MRPL12: variants seen among roughly 807,000 people sequenced by gnomAD.
MRPL12 encodes mitochondrial ribosomal protein L12, also known as large ribosomal subunit protein bL12m.
In MRPL12, 13 loss-of-function variants were observed where a neutral mutation model predicts 21.1. The observed-to-expected ratio is 0.62, with a 90% CI of 0.40 to 0.98. The LOEUF (loss-of-function observed/expected upper bound fraction) is 0.98. Among genes scored for constraint, MRPL12 ranks in the 50% least tolerant of loss-of-function variants. The probability of loss-of-function intolerance (pLI) is 0.00; values close to 1 mark genes in which losing one functional copy is unlikely to be tolerated. For missense variants in MRPL12, 251 were observed against 268.6 expected (o/e 0.93, Z 0.46); for synonymous variants, 126 against 115.3 (o/e 1.09, Z -0.60).
chr17:81,706,785 C>A, intron 3 of MRPL12, 121 bp from the exon 4 acceptor site: 1 of 1,223,648 alleles, frequency 8.2e-7, no homozygotes, highest in Non-Finnish European at 1.1e-6. Context: ...CAACTCCAGG[C>A]TTCGCTGGGG....
Position 81,707,340 on chromosome 17 carries a change from G to A in MRPL12, c.*100G>A. ...CCGCCCCCAGCACCAGGCGCCCAGT[G>A]GAGCCGTTTGGGAGAATTGCCTGCG... On this transcript the variant is annotated 3_prime_UTR_variant, in exon 5 of 5. Transcript: ENST00000333676. 8.6e-7 allele frequency: 1 copy of A among 1,161,644 alleles called. No individual in the cohort carries two copies. The highest frequency in any genetic ancestry group is 1.2e-6 in the Non-Finnish European group (1 of 823,528). The allele number at this position is 1,161,644 out of a possible 1,614,324, so 72.0% of individuals were successfully genotyped here. A position where few individuals can be genotyped will look rare whatever the true frequency, so the allele number is the denominator to read the frequency against.
At chr17:81,705,632 G>A (rs1227126424) in intron 3 of MRPL12, among the ~76,000 whole-genome samples, 2 of 152,202 alleles carry the variant, frequency 1.3e-5, no homozygotes, top group Admixed American at 6.5e-5. Flanking sequence ...GAGCAGCAGC[G>A]AGGTACAGGC....
In MRPL12 at chr17:81,707,446, G is replaced by C. The variant is rs1322699712; in HGVS notation, c.*206G>C. The C allele has an allele frequency of 1.8e-6, 1 of 569,568 alleles. No homozygotes were observed. The highest frequency in any genetic ancestry group is 3.1e-6 in the Non-Finnish European group (1 of 324,990). 35.3% of individuals were successfully genotyped at this position (569,568 alleles called of 1,614,324 possible). On this transcript the variant is annotated 3_prime_UTR_variant, in exon 5 of 5. Transcript: ENST00000333676. ...GGCTGCTGCCTGGTGACGGCACCCG[G>C]AGGCCCACCAGGACGCGCCACCGGT... is the stretch of plus-strand genomic sequence containing the variant.
At chr17:81,704,773 T>C in intron 3 of MRPL12, 57 bp downstream of exon 3, 3 of 1,418,710 alleles carry the variant, frequency 2.1e-6, no homozygotes, top group Non-Finnish European at 2.9e-6. Flanking sequence ...TGTGGCCTCA[T>C]GTGCCGTGGT....
chr17:81,705,718 C>T (rs563531148), intron 3 of MRPL12, among the ~76,000 whole-genome samples: 216 of 152,316 alleles, frequency 1.4e-3, no homozygotes, highest in South Asian at 5.4e-3. Context: ...TTGAAGCCGC[C>T]AGTTGCGTTT....
chr17:81,704,818 C>T, intron 3 of MRPL12, 102 bp downstream of exon 3: 1 of 1,011,552 alleles, frequency 9.9e-7, no homozygotes, highest in East Asian at 2.4e-5. Flanking sequence ...CCGTCATTGT[C>T]TGCAGCCTGC....
Position 81,707,188 on chromosome 17 carries a change from A to G in MRPL12, c.545A>G (p.Glu182Gly). The change falls in exon 5 of 5, where the codon GAG becomes GGG. Residue 182 changes from glutamate (E) to glycine (G), a missense_variant. Physicochemically the swap from Glu to Gly is moderately conservative, Grantham distance 98. Coordinates refer to ENST00000333676, the MANE Select transcript of MRPL12 (RefSeq NM_002949.4). ...GCCAATGTCGCCAAAGCTGAGGCGG[A>G]GAAGATCAAGGCGGCCCTGGAGGCG... is the stretch of plus-strand genomic sequence containing the variant. ...IKANVAKAEA[E>G]KIKAALEAVG... 1 of 1,613,414 alleles carries G rather than the reference A, an allele frequency of 6.2e-7. No homozygotes were observed.
At position 81,703,474 on chromosome 17, in the gene MRPL12, C is replaced by G; in HGVS notation, c.-28C>G. 1.3e-6 allele frequency: 2 copies of G among 1,485,110 alleles called. No individual in the cohort carries two copies. The highest frequency in any genetic ancestry group is 1.8e-6 in the Non-Finnish European group (2 of 1,123,070). The allele number at this position is 1,485,110 out of a possible 1,614,324, so 92.0% of individuals were successfully genotyped here. Reference sequence around the variant, plus strand: ...AGAGCGTCGCCTCCTCCCGGGGAACCGCGTGTGACCTTCCAGCCCGCGGAC... The same window carrying G: ...AGAGCGTCGCCTCCTCCCGGGGAACGGCGTGTGACCTTCCAGCCCGCGGAC... On this transcript the variant is annotated 5_prime_UTR_variant, in exon 1 of 5. Transcript: ENST00000333676.
At position 81,707,443 on chromosome 17, in the gene MRPL12, C is replaced by T. The variant is rs902772113; in HGVS notation, c.*203C>T. 16 of 571,874 alleles carry T rather than the reference C, an allele frequency of 2.8e-5. No homozygotes were observed. The highest frequency in any genetic ancestry group is 4.9e-5 in the Non-Finnish European group (16 of 327,290). The allele number at this position is 571,874 out of a possible 1,614,324, so 35.4% of individuals were successfully genotyped here. ...GGCGGCTGCTGCCTGGTGACGGCAC[C>T]CGGAGGCCCACCAGGACGCGCCACC... On this transcript the variant is annotated 3_prime_UTR_variant, in exon 5 of 5. Transcript: ENST00000333676.
At position 81,703,511 on chromosome 17, in the gene MRPL12, G is replaced by T; in HGVS notation, c.10G>T (p.Ala4Ser). 6.7e-7 allele frequency: 1 copy of T among 1,484,448 alleles called. No individual in the cohort carries two copies. The highest frequency in any genetic ancestry group is 2.3e-5 in the Admixed American group (1 of 44,386). 92.0% of individuals were successfully genotyped at this position (1,484,448 alleles called of 1,614,324 possible). A position where few individuals can be genotyped will look rare whatever the true frequency, so the allele number is the denominator to read the frequency against. The change falls in exon 1 of 5, where the codon GCG becomes TCG. Residue 4 changes from alanine (A) to serine (S), a missense_variant. Physicochemically the swap from Ala to Ser is moderately conservative, Grantham distance 99 (BLOSUM62 1). Transcript: ENST00000333676. MLP[A>S]AARPLWGPCL... is the part of the protein sequence containing the mutation. ...TCCAGCCCGCGGACCGATGCTGCCGGCGGCCGCTCGCCCCCTGTGGGGGCC... is the reference window on the plus strand; with the variant it reads ...TCCAGCCCGCGGACCGATGCTGCCGTCGGCCGCTCGCCCCCTGTGGGGGCC...
chr17:81,705,757 C>T (rs959163486), intron 3 of MRPL12, among the ~76,000 whole-genome samples: 6 of 152,224 alleles, frequency 3.9e-5, no homozygotes, highest in African/African-American at 7.2e-5. Context: ...ACCTCTCCAC[C>T]GGAGCCCTCC....
chr17:81,704,393 C>T lies in MRPL12; in HGVS notation c.224C>T (p.Thr75Ile). ...QQLVQDIASL[T>I]LLEISDLNEL... The stretch of plus-strand genomic sequence containing the variant: ...CTGGTCCAGGACATCGCCAGCCTCA[C>T]TCTCTTGGAAATCTCAGACCTCAAC... Residue 75 changes from threonine to isoleucine, a missense_variant, in exon 2 of 5, where the codon ACT becomes ATT. Physicochemically the swap from Thr to Ile is moderately conservative, Grantham distance 89 (BLOSUM62 -1). Transcript: ENST00000333676. 6.2e-7 allele frequency: 1 copy of T among 1,613,468 alleles called. No homozygotes were observed. Among genetic ancestry groups the T allele is most frequent in the South Asian group, 1.1e-5 (1 of 91,048 alleles).
At position 81,706,995 on chromosome 17, in the gene MRPL12, G is replaced by T. The variant is rs1045443717; in HGVS notation, c.435G>T (p.Leu145=). The change falls in exon 4 of 5, where the codon CTG becomes CTT. Residue 145 remains leucine (L), a synonymous_variant. Transcript: ENST00000333676. ...CGAAGCCCGTGGACAAAGTGAAGCT[G>T]ATCAAGGAAATCAAGAACTACATCC... is the stretch of plus-strand genomic sequence containing the variant. The part of the protein sequence containing the change: ...TEAKPVDKVK[L]IKEIKNYIQG... 6.2e-7 allele frequency: 1 copy of T among 1,614,038 alleles called. No individual in the cohort carries two copies. The highest frequency in any genetic ancestry group is 8.5e-7 in the Non-Finnish European group (1 of 1,180,050).
intron 1 of MRPL12, 58 bp downstream of exon 1, chr17:81,703,633 C>G: frequency 3.1e-6 from 4 of 1,290,860 alleles, no homozygotes; most frequent in Non-Finnish European, 4.0e-6. Flanking sequence ...CAGCCGGGCA[C>G]TGAGGGGTCG....
chr17:81,704,449 A>G lies in MRPL12; in HGVS notation c.261+19A>G. ...CCTGAAGGTATCGTGAGAGGGTGGC[A>G]CAGACCCAGGGGCTGGAAGTTTCAG... On this transcript the variant is annotated intron_variant, in intron 2 of 4. Coordinates refer to ENST00000333676, the MANE Select transcript of MRPL12 (RefSeq NM_002949.4). The G allele has an allele frequency of 1.2e-6, 2 of 1,607,152 alleles. No individual in the cohort carries two copies. The highest frequency in any genetic ancestry group is 1.7e-6 in the Non-Finnish European group (2 of 1,175,980).
intron 3 of MRPL12, among the ~76,000 whole-genome samples, 174 bp downstream of exon 3, chr17:81,704,890 T>C (rs533019634): frequency 6.6e-6 from 1 of 152,342 alleles, no homozygotes; most frequent in African/African-American, 2.4e-5. Flanking sequence ...GTGCACGACT[T>C]TGCATGTGGA....
rs758967615 is a variant in MRPL12, at chr17:81,705,389, C to CAA, written c.345+694_345+695dup. On this transcript the variant is annotated intron_variant, in intron 3 of 4. Coordinates refer to ENST00000333676, the MANE Select transcript of MRPL12 (RefSeq NM_002949.4). The stretch of plus-strand genomic sequence containing the variant: ...TTGGCAACAGAGCAAGACCCTGTCT[C>CAA]AAAAAAAAAAAAAAAAAAAAAAGAG... Among the ~76,000 whole-genome samples the CAA allele has an allele frequency of 7.5e-3, 464 of 62,258 alleles. 4 individuals carry two copies. The highest frequency in any genetic ancestry group is 0.019 in the African/African-American group (324 of 16,824). 40.8% of individuals were successfully genotyped at this position (62,258 alleles called of 152,430 possible).
intron 3 of MRPL12, among the ~76,000 whole-genome samples, chr17:81,705,812 G>C (rs2144516237): frequency 6.6e-6 from 1 of 152,332 alleles, no homozygotes; most frequent in South Asian, 2.1e-4. Context: ...GTGTACTGTA[G>C]AGTGTCCCAT....
In MRPL12 at chr17:81,707,018, T is replaced by A; in HGVS notation, c.458T>A (p.Ile153Asn). The change falls in exon 4 of 5, where the codon ATC becomes AAC. Residue 153 changes from isoleucine to asparagine, a missense_variant. Coordinates refer to ENST00000333676, the MANE Select transcript of MRPL12 (RefSeq NM_002949.4). ...VKLIKEIKNY[I>N]QGINLVQAKK... is the part of the protein sequence containing the mutation. ...CTGATCAAGGAAATCAAGAACTACA[T>A]CCAAGGCATCAACCTCGTCCAGGTC... 1 of 1,614,078 alleles carries A rather than the reference T, an allele frequency of 6.2e-7. No individual in the cohort carries two copies. Among genetic ancestry groups the A allele is most frequent in the South Asian group, 1.1e-5 (1 of 91,090 alleles).
Sources: allele counts gnomAD v4.1 joint callset (sites outside exome capture counted in the v4.1 genomes callset), GRCh38; gene constraint gnomAD v4.1.1; transcripts MANE v1.5; gene names NCBI Gene and HGNC (gene_info 2026-07-23, HGNC 2026-07-21).